The following FBXO36 variants were observed in gnomAD, a reference collection of about 807,000 sequenced individuals.
The protein encoded by FBXO36 is F-box protein 36.
A neutral mutation model predicts 17.0 loss-of-function variants in FBXO36; 18 were observed. The observed-to-expected ratio is 1.06, with a 90% CI of 0.73 to 1.57. The LOEUF (loss-of-function observed/expected upper bound fraction) is 1.57, where lower values mean the gene tolerates loss of function less well. Ranked by LOEUF, FBXO36 falls within the 40% of genes most tolerant of loss-of-function variation. FBXO36 has a pLI of 0.00. For synonymous variants in FBXO36, 83 were observed against 85.3 expected (o/e 0.97, Z 0.15); for missense variants, 229 against 221.9 (o/e 1.03, Z -0.20).
chr2:229,972,409 C>T (rs78721367), intron 1 of FBXO36, among the ~76,000 whole-genome samples: 2,162 of 152,098 alleles, frequency 0.014, 54 homozygotes, highest in African/African-American at 0.048. Flanking sequence ...AAATAGATCT[C>T]GATGAAGTAT....
intron 2 of FBXO36, among the ~76,000 whole-genome samples, chr2:229,979,455 G>T (rs1455900562): frequency 6.6e-6 from 1 of 151,758 alleles, no homozygotes. Flanking sequence ...TTTAGAGAGG[G>T]AAGGTTTTGT....
chr2:229,964,878 T>C (rs519707), intron 1 of FBXO36, among the ~76,000 whole-genome samples: 110,393 of 152,088 alleles, frequency 0.73, 40,286 homozygotes, highest in East Asian at 0.8. Context: ...TGTACTTACC[T>C]GTTTACCAGT....
intron 3 of FBXO36, among the ~76,000 whole-genome samples, chr2:230,008,105 T>A (rs1014618989): frequency 6.6e-6 from 1 of 152,174 alleles, no homozygotes; most frequent in Non-Finnish European, 1.5e-5. Flanking sequence ...GGCTGGAAGC[T>A]TGCGGGAGGA....
chr2:229,976,467 A>G, intron 2 of FBXO36, 118 bp downstream of exon 2: 1 of 674,756 alleles, frequency 1.5e-6, no homozygotes, highest in Non-Finnish European at 2.6e-6. Context: ...TTATGTACTT[A>G]CATATACAAT....
intron 2 of FBXO36, chr2:229,977,080 G>T (rs188717354): frequency 6.6e-6 from 1 of 152,172 alleles, no homozygotes; most frequent in East Asian, 1.9e-4. Context: ...CTGGTTAGAG[G>T]TTAGTTGGCG....
intron 1 of FBXO36, among the ~76,000 whole-genome samples, chr2:229,936,052 G>A (rs572378007): frequency 6.6e-6 from 1 of 152,284 alleles, no homozygotes; most frequent in East Asian, 1.9e-4. Flanking sequence ...GCTGGGTGTG[G>A]TGGTGGACGC....
At chr2:229,933,098 C>T (rs1052242712) in intron 1 of FBXO36, among the ~76,000 whole-genome samples, 5 of 152,116 alleles carry the variant, frequency 3.3e-5, no homozygotes, top group South Asian at 2.1e-4. Context: ...GAGTTTGCAT[C>T]GAAGATTGTA....
intron 1 of FBXO36, among the ~76,000 whole-genome samples, chr2:229,947,997 G>C (rs756511073): frequency 2.0e-5 from 3 of 152,156 alleles, no homozygotes; most frequent in Non-Finnish European, 4.4e-5. Context: ...TAAGGACAGA[G>C]CTTCAACATT....
chr2:229,945,205 C>T (rs935103229), intron 1 of FBXO36: 1 of 152,070 alleles, frequency 6.6e-6, no homozygotes, highest in Non-Finnish European at 1.5e-5. Flanking sequence ...CCAACACTAC[C>T]CATTTAGCAT....
chr2:229,961,501 G>C (rs921250929), intron 1 of FBXO36, among the ~76,000 whole-genome samples: 6 of 152,052 alleles, frequency 3.9e-5, no homozygotes, highest in Non-Finnish European at 7.4e-5. Context: ...TCAGCTTCCT[G>C]AGTAGCTGGA....
intron 2 of FBXO36, among the ~76,000 whole-genome samples, chr2:229,989,718 G>A (rs926372254): frequency 1.0e-4 from 15 of 143,122 alleles, no homozygotes; most frequent in Non-Finnish European, 1.5e-4. Context: ...CCACCACCAC[G>A]CCTGGCTAAT....
intron 2 of FBXO36, among the ~76,000 whole-genome samples, chr2:229,981,980 G>C (rs2077242704): frequency 6.6e-6 from 1 of 152,018 alleles, no homozygotes; most frequent in South Asian, 2.1e-4. Context: ...AGGAACAAGA[G>C]AGTGACAGGG....
intron 1 of FBXO36, among the ~76,000 whole-genome samples, chr2:229,954,987 C>G (rs938847882): frequency 6.6e-6 from 1 of 151,722 alleles, no homozygotes; most frequent in Non-Finnish European, 1.5e-5. Context: ...GTAGCTGGGA[C>G]TACGGACATG....
At chr2:229,956,904 A>G (rs983091621) in intron 1 of FBXO36, among the ~76,000 whole-genome samples, 2 of 152,136 alleles carry the variant, frequency 1.3e-5, no homozygotes, top group African/African-American at 4.8e-5. Context: ...CCCTTATTCT[A>G]AGAACCCCAG....
At position 229,959,710 on chromosome 2, in the gene FBXO36, G is replaced by A. The variant is rs2077110824; in HGVS notation, c.97-16531G>A. Among the ~76,000 whole-genome samples, 3 of 152,132 alleles carry A rather than the reference G, an allele frequency of 2.0e-5. No homozygotes were observed. The South Asian group carries it at 6.2e-4, about 32-fold the overall frequency. On this transcript the variant is annotated intron_variant, in intron 1 of 3. Coordinates refer to ENST00000283946, the MANE Select transcript of FBXO36 (RefSeq NM_174899.5). ...AATACAAAAAAATTAGCTGAGCGTGGTGGTGGGCGCCTGTAGTCCCAGCTA... is the reference window on the plus strand; with the variant it reads ...AATACAAAAAAATTAGCTGAGCGTGATGGTGGGCGCCTGTAGTCCCAGCTA...
chr2:229,964,776 C>T (rs1285614594), intron 1 of FBXO36, among the ~76,000 whole-genome samples: 6 of 152,200 alleles, frequency 3.9e-5, no homozygotes, highest in South Asian at 2.1e-4. Flanking sequence ...GCCTCGGCCT[C>T]CCAAAGTACT....
At chr2:229,933,309 AC>A (rs1289913093) in intron 1 of FBXO36, among the ~76,000 whole-genome samples, 3 of 151,880 alleles carry the variant, frequency 2.0e-5, no homozygotes, top group Admixed American at 2.0e-4. Context: ...AATCACTCGA[AC>A]CCAGGTGGTG....
chr2:229,959,958 C>T lies in FBXO36; in HGVS notation c.97-16283C>T, dbSNP rs937774922. ...AAGTGTACAGTTAAAATAACAGCTTCTAATCAGTCAACTCTAAAGTTCTAA... is the reference window on the plus strand; with the variant it reads ...AAGTGTACAGTTAAAATAACAGCTTTTAATCAGTCAACTCTAAAGTTCTAA... On this transcript the variant is annotated intron_variant, in intron 1 of 3. Coordinates refer to ENST00000283946, the MANE Select transcript of FBXO36 (RefSeq NM_174899.5). 2.6e-5 allele frequency among the ~76,000 whole-genome samples: 4 copies of T among 152,052 alleles called. No individual in the cohort carries two copies. The South Asian group carries it at 8.3e-4, about 31-fold the overall frequency.
At chr2:229,956,071 G>T (rs934379698) in intron 1 of FBXO36, among the ~76,000 whole-genome samples, 2 of 152,228 alleles carry the variant, frequency 1.3e-5, no homozygotes, top group Non-Finnish European at 2.9e-5. Flanking sequence ...CATGTCACAT[G>T]TTAGCCACTC....
Sources: allele counts gnomAD v4.1 joint callset (sites outside exome capture counted in the v4.1 genomes callset), GRCh38; gene constraint gnomAD v4.1.1; transcripts MANE v1.5; gene names NCBI Gene and HGNC (gene_info 2026-07-23, HGNC 2026-07-21).